TAF2: variants seen among roughly 807,000 people sequenced by gnomAD.
TAF2 encodes TATA-box binding protein associated factor 2.
Under a neutral mutation model 138.5 loss-of-function variants are expected in TAF2, and 61 were observed. The observed-to-expected ratio is 0.44, with a 90% CI of 0.36 to 0.54. TAF2 has a LOEUF of 0.54. Ranked by LOEUF, TAF2 falls within the 20% of genes least tolerant of loss-of-function variation. The pLI, the probability that TAF2 is intolerant of heterozygous loss-of-function variation, is 0.00. For missense variants in TAF2, 1,090 were observed against 1,427.9 expected (o/e 0.76, Z 3.81); for synonymous variants, 475 against 469.9 (o/e 1.01, Z -0.14).
At chr8:119,772,374 C>T (rs1156308628) in intron 18 of TAF2, among the ~76,000 whole-genome samples, 2 of 152,172 alleles carry the variant, frequency 1.3e-5, no homozygotes, top group African/African-American at 4.8e-5. Flanking sequence ...CATATCCTCT[C>T]ACTTGTAAGT....
intron 3 of TAF2, among the ~76,000 whole-genome samples, chr8:119,815,717 A>G (rs981614928): frequency 6.6e-6 from 1 of 152,254 alleles, no homozygotes; most frequent in African/African-American, 2.4e-5. Flanking sequence ...CTAAGAAAAG[A>G]GAAGTACAGC....
At chr8:119,829,199 C>T (rs918644379) in intron 2 of TAF2, among the ~76,000 whole-genome samples, 11 of 152,216 alleles carry the variant, frequency 7.2e-5, no homozygotes, top group African/African-American at 2.7e-4. Context: ...GGGCTCTACC[C>T]TTCTGGCTGG....
chr8:119,816,106 A>G (rs1825451644), intron 3 of TAF2, among the ~76,000 whole-genome samples: 1 of 142,158 alleles, frequency 7.0e-6, no homozygotes, highest in Non-Finnish European at 1.5e-5. Context: ...GCTGGAGTGC[A>G]GTGGCGCGAT....
Position 119,788,336 on chromosome 8 carries a change from A to G in TAF2, c.1793+2T>C, listed in dbSNP as rs1366731485. 1 of 1,607,804 alleles carries G rather than the reference A, an allele frequency of 6.2e-7. No individual in the cohort carries two copies. The highest frequency in any genetic ancestry group is 8.5e-7 in the Non-Finnish European group (1 of 1,174,578). On this transcript the variant is annotated splice_donor_variant, in intron 14 of 25. Coordinates refer to ENST00000378164, the MANE Select transcript of TAF2 (RefSeq NM_003184.4). LOFTEE classifies it high-confidence loss of function. Reference sequence around the variant, plus strand: ...AATTTATAGTTATTATGTAATGCCTACCTTCTACTTTTGGAATGGCAGGGT... The same window carrying G: ...AATTTATAGTTATTATGTAATGCCTGCCTTCTACTTTTGGAATGGCAGGGT...
In TAF2 at chr8:119,769,762, G is replaced by GT. The variant is rs528695417; in HGVS notation, c.2365-7155dup. On this transcript the variant is annotated intron_variant, in intron 18 of 25. Transcript: ENST00000378164. ...CTTTCGAATTAACCCAGTCAGAACTGTTTTTTTTTTTTTTAGACAGAGTCT... is the reference window on the plus strand; with the variant it reads ...CTTTCGAATTAACCCAGTCAGAACTGTTTTTTTTTTTTTTTAGACAGAGTCT... Among the ~76,000 whole-genome samples the GT allele has an allele frequency of 9.6e-3, 1,325 of 138,672 alleles. 10 individuals carry two copies. The highest frequency in any genetic ancestry group is 0.022 in the Middle Eastern group (6 of 268). 91.0% of individuals were successfully genotyped at this position (138,672 alleles called of 152,430 possible).
rs1824379307 is a variant in TAF2, at chr8:119,803,143, G to A, written c.560+735C>T. ...ATAAATAAATAAGCAGAGTTGAGTA[G>A]TAGAATGTGGAGTGGGGAAGTAGAG... On this transcript the variant is annotated intron_variant, in intron 5 of 25. Coordinates refer to ENST00000378164, the MANE Select transcript of TAF2 (RefSeq NM_003184.4). Among the ~76,000 whole-genome samples, 5 of 152,030 alleles carry A rather than the reference G, an allele frequency of 3.3e-5. No individual in the cohort carries two copies. The South Asian group carries it at 1.0e-3, about 32-fold the overall frequency.
At chr8:119,807,069 A>G (rs554962647) in intron 3 of TAF2, among the ~76,000 whole-genome samples, 133 of 152,350 alleles carry the variant, frequency 8.7e-4, no homozygotes, top group African/African-American at 3.1e-3. Context: ...GTGGCAAAAA[A>G]TTGAATGGAT....
At chr8:119,745,795 A>ATG (rs58444614) in intron 23 of TAF2, among the ~76,000 whole-genome samples, 7,598 of 143,420 alleles carry the variant, frequency 0.053, 209 homozygotes, top group Middle Eastern at 0.12. Context: ...AGGCAAACGA[A>ATG]TGTGTGTGTG....
At chr8:119,802,704 G>A (rs1489026656) in intron 5 of TAF2, among the ~76,000 whole-genome samples, 1 of 152,170 alleles carries the variant, frequency 6.6e-6, no homozygotes, top group Non-Finnish European at 1.5e-5. Flanking sequence ...CCTGAGGTCA[G>A]GAGTTGGAAA....
At chr8:119,827,698 T>C (rs970855757) in intron 2 of TAF2, among the ~76,000 whole-genome samples, 30 of 151,554 alleles carry the variant, frequency 2.0e-4, no homozygotes, top group Non-Finnish European at 3.2e-4. Context: ...TTGGAGTGAC[T>C]ACTCTCACTA....
intron 4 of TAF2, among the ~76,000 whole-genome samples, chr8:119,805,116 T>C (rs574762038): frequency 1.3e-5 from 2 of 152,210 alleles, no homozygotes; most frequent in South Asian, 4.1e-4. Context: ...TAAGGCTAAA[T>C]AAGCAAGGCA....
chr8:119,751,954 T>C (rs1341643121), intron 22 of TAF2, among the ~76,000 whole-genome samples: 3 of 152,132 alleles, frequency 2.0e-5, no homozygotes, highest in Non-Finnish European at 4.4e-5. Flanking sequence ...GGGTGGGGTT[T>C]AATGATCATA....
rs760106401 is a variant in TAF2 at position 119,731,880 on chromosome 8, T to C, written c.*44A>G. ...CACAGAGGACAAAGCTTTAGTTACATACATTCTTCTGGACATGAAAGGAAA... is the reference window on the plus strand; with the variant it reads ...CACAGAGGACAAAGCTTTAGTTACACACATTCTTCTGGACATGAAAGGAAA... On this transcript the variant is annotated 3_prime_UTR_variant, in exon 26 of 26. Transcript: ENST00000378164. The C allele has an allele frequency of 6.3e-7, 1 of 1,580,754 alleles. No individual in the cohort carries two copies. The highest frequency in any genetic ancestry group is 8.7e-7 in the Non-Finnish European group (1 of 1,150,160).
intron 20 of TAF2, 73 bp from the exon 21 acceptor site, chr8:119,758,215 G>C: frequency 1.5e-6 from 2 of 1,312,184 alleles, no homozygotes; most frequent in Non-Finnish European, 2.2e-6. Context: ...GACAAGCAGG[G>C]AGTTTACATT....
chr8:119,785,615 C>G (rs7821501), intron 14 of TAF2, among the ~76,000 whole-genome samples: 91,152 of 152,012 alleles, frequency 0.6, 27,602 homozygotes, highest in Middle Eastern at 0.76. Context: ...AAAGGATCAG[C>G]CTTGAAATGG....
chr8:119,744,144 TTATA>T, intron 24 of TAF2, 140 bp downstream of exon 24: 1 of 833,514 alleles, frequency 1.2e-6, no homozygotes, highest in South Asian at 1.6e-5. Flanking sequence ...CCAATTTATG[TTATA>T]ATCTGCTACA....
intron 16 of TAF2, among the ~76,000 whole-genome samples, chr8:119,782,555 T>C (rs1054688256): frequency 3.9e-5 from 6 of 152,138 alleles, no homozygotes; most frequent in Non-Finnish European, 8.8e-5. Context: ...ATATAGGACA[T>C]ATGGATTTAA....
At chr8:119,797,158 A>C in intron 7 of TAF2, 55 bp from the exon 8 acceptor site, 11 of 1,221,428 alleles carry the variant, frequency 9.0e-6, no homozygotes, top group Admixed American at 5.4e-5. Flanking sequence ...ATACTTATTC[A>C]GTGAAAATAA....
intron 2 of TAF2, among the ~76,000 whole-genome samples, chr8:119,830,409 T>G (rs1826371781): frequency 6.6e-6 from 1 of 152,176 alleles, no homozygotes; most frequent in African/African-American, 2.4e-5. Flanking sequence ...AATGCTATCT[T>G]CATTTAGGAC....
Sources: allele counts gnomAD v4.1 joint callset (sites outside exome capture counted in the v4.1 genomes callset), GRCh38; gene constraint gnomAD v4.1.1; transcripts MANE v1.5; gene names NCBI Gene and HGNC (gene_info 2026-07-23, HGNC 2026-07-21).